The following FYB2 variants were observed in gnomAD, a reference collection of about 807,000 sequenced individuals.
FYB2 encodes FYN-binding protein 2.
Under a neutral mutation model 94.1 loss-of-function variants are expected in FYB2, and 103 were observed. The observed-to-expected ratio is 1.09, with a 90% CI of 0.93 to 1.29. The LOEUF (loss-of-function observed/expected upper bound fraction) is 1.29, where lower values mean the gene tolerates loss of function less well. Among genes scored for constraint, FYB2 ranks in the 50% most tolerant of loss-of-function variants. FYB2 has a pLI of 0.00. For missense variants in FYB2, 896 were observed against 841.5 expected (o/e 1.06, Z -0.80); for synonymous variants, 293 against 287.9 (o/e 1.02, Z -0.18).
intron 1 of FYB2, among the ~76,000 whole-genome samples, chr1:56,808,292 C>G (rs1646690773): frequency 6.6e-6 from 1 of 152,138 alleles, no homozygotes. Flanking sequence ...TCCCCTAGCT[C>G]TTTCTAGTAT....
intron 13 of FYB2, among the ~76,000 whole-genome samples, 157 bp downstream of exon 13, chr1:56,740,540 A>C (rs1407094855): frequency 6.6e-6 from 1 of 152,048 alleles, no homozygotes; most frequent in Admixed American, 6.6e-5. Flanking sequence ...CATGTAGTTC[A>C]ATCAAAAATT....
At chr1:56,808,004 T>C (rs937254696) in intron 1 of FYB2, among the ~76,000 whole-genome samples, 4 of 152,164 alleles carry the variant, frequency 2.6e-5, no homozygotes, top group Non-Finnish European at 5.9e-5. Flanking sequence ...ATTGCCATCA[T>C]TATTATTACT....
intron 1 of FYB2, among the ~76,000 whole-genome samples, chr1:56,801,208 G>C (rs149740220): frequency 6.6e-6 from 1 of 152,156 alleles, no homozygotes; most frequent in Non-Finnish European, 1.5e-5. Flanking sequence ...CTCTTCTTGT[G>C]CTCTCCCAAG....
chr1:56,774,206 C>G (rs1252768198), intron 4 of FYB2, among the ~76,000 whole-genome samples: 1 of 152,016 alleles, frequency 6.6e-6, no homozygotes, highest in Non-Finnish European at 1.5e-5. Context: ...CAGAATGATT[C>G]AGAGAAACAT....
intron 1 of FYB2, among the ~76,000 whole-genome samples, chr1:56,803,001 A>G (rs1018282679): frequency 6.6e-6 from 1 of 152,158 alleles, no homozygotes; most frequent in African/African-American, 2.4e-5. Context: ...ACAAGACCCC[A>G]GTCTTCATGT....
intron 1 of FYB2, among the ~76,000 whole-genome samples, chr1:56,800,074 T>C (rs1466370905): frequency 6.6e-6 from 1 of 152,204 alleles, no homozygotes; most frequent in East Asian, 1.9e-4. Context: ...TCAACAGCAA[T>C]GGTTTATCAC....
At chr1:56,771,089 T>C (rs1557632513) in intron 4 of FYB2, among the ~76,000 whole-genome samples, 1 of 152,166 alleles carries the variant, frequency 6.6e-6, no homozygotes, top group Non-Finnish European at 1.5e-5. Flanking sequence ...TGAAGTTGAT[T>C]AGTTAGTATT....
chr1:56,783,993 A>C (rs910540292), intron 4 of FYB2, among the ~76,000 whole-genome samples: 5 of 152,172 alleles, frequency 3.3e-5, no homozygotes, highest in African/African-American at 1.2e-4. Context: ...CTTCAAGATC[A>C]TTATTTTATT....
At chr1:56,793,853 C>A (rs954142717) in intron 1 of FYB2, among the ~76,000 whole-genome samples, 2 of 151,004 alleles carry the variant, frequency 1.3e-5, no homozygotes, top group African/African-American at 4.9e-5. Flanking sequence ...GAACTTAATG[C>A]TATGGTATGG....
intron 1 of FYB2, among the ~76,000 whole-genome samples, chr1:56,799,466 C>T (rs1646472260): frequency 6.6e-6 from 1 of 152,020 alleles, no homozygotes; most frequent in Non-Finnish European, 1.5e-5. Context: ...CTTTCTCAGA[C>T]TTTTTATTTA....
At chr1:56,821,700 A>G (rs1327976451), upstream of FYB2, among the ~76,000 whole-genome samples, 1 of 152,172 alleles carries the variant, frequency 6.6e-6, no homozygotes, top group Non-Finnish European at 1.5e-5. Flanking sequence ...CAAAGTGCCC[A>G]TGTAGCACTT....
chr1:56,737,947 C>T (rs1048897123), intron 14 of FYB2, among the ~76,000 whole-genome samples: 1 of 152,034 alleles, frequency 6.6e-6, no homozygotes, highest in African/African-American at 2.4e-5. Flanking sequence ...TCAGCAAACT[C>T]ATATTTATGA....
chr1:56,795,413 C>T (rs1301661877), intron 1 of FYB2, among the ~76,000 whole-genome samples: 1 of 152,134 alleles, frequency 6.6e-6, no homozygotes, highest in Admixed American at 6.5e-5. Context: ...TATATCTTAG[C>T]TATTATGAAT....
chr1:56,786,838 T>G (rs1356670720), intron 4 of FYB2, among the ~76,000 whole-genome samples: 1 of 152,156 alleles, frequency 6.6e-6, no homozygotes, highest in East Asian at 1.9e-4. Flanking sequence ...CTATTACCAA[T>G]TCCTAACATC....
intron 6 of FYB2, among the ~76,000 whole-genome samples, chr1:56,756,899 A>G: frequency 6.6e-6 from 1 of 152,132 alleles, no homozygotes; most frequent in Non-Finnish European, 1.5e-5. Flanking sequence ...AAGGGAAAAG[A>G]ATACAAAAAA....
chr1:56,788,542 A>T (rs1646182902), intron 3 of FYB2, among the ~76,000 whole-genome samples: 1 of 152,244 alleles, frequency 6.6e-6, no homozygotes, highest in African/African-American at 2.4e-5. Flanking sequence ...TAATTACCAA[A>T]AGCAGATTAT....
At chr1:56,734,680 G>A (rs1272013639) in intron 15 of FYB2, among the ~76,000 whole-genome samples, 1 of 152,006 alleles carries the variant, frequency 6.6e-6, no homozygotes. Context: ...AGGGGCTGGG[G>A]GAGGGATAGC....
chr1:56,813,245 G>C lies in FYB2; in HGVS notation c.9+6037C>G, dbSNP rs550250847. Among the ~76,000 whole-genome samples the C allele has an allele frequency of 2.0e-5, 3 of 152,278 alleles. No individual in the cohort carries two copies. The East Asian group carries it at 5.8e-4, about 29-fold the overall frequency. ...ACGCTGCTAATAAAGACATACCTGA[G>C]ACTGGGTAATTTATAAAGAAAAAGA... On this transcript the variant is annotated intron_variant, in intron 1 of 19. Coordinates refer to ENST00000343433, the MANE Select transcript of FYB2 (RefSeq NM_001004303.5).
chr1:56,731,096 C>CA (rs1444328556), intron 15 of FYB2, among the ~76,000 whole-genome samples: 3 of 151,328 alleles, frequency 2.0e-5, no homozygotes, highest in African/African-American at 4.8e-5. Context: ...CAAAACAAAA[C>CA]AAAAAAACCC....
Sources: gnomAD v4.1 joint callset for allele counts (sites outside exome capture counted in the v4.1 genomes callset) on GRCh38, gnomAD v4.1.1 for gene constraint, MANE v1.5 for transcripts, NCBI Gene and HGNC (gene_info 2026-07-23, HGNC 2026-07-21) for gene names.